OTP: variants seen among roughly 807,000 people sequenced by gnomAD.
OTP encodes orthopedia homeobox.
OTP carries 5 observed loss-of-function variants against 22.3 expected under a neutral mutation model. The ratio of observed to expected loss-of-function variants is 0.22; its 90% confidence interval spans 0.12 to 0.47. The LOEUF (loss-of-function observed/expected upper bound fraction) is 0.47. Among genes scored for constraint, OTP ranks in the 20% least tolerant of loss-of-function variants. OTP has a pLI of 0.99. For missense variants in OTP, 428 were observed against 456.2 expected, an observed-to-expected ratio of 0.94 and a Z score of 0.56; for synonymous variants, 229 against 210.6, an observed-to-expected ratio of 1.09 and a Z score of -0.76.
chr5:77,638,274 G>C (rs1745041203), intron 1 of OTP, among the ~76,000 whole-genome samples: 1 of 148,684 alleles, frequency 6.7e-6, no homozygotes, highest in South Asian at 2.1e-4. Flanking sequence ...GCGGGGGAGG[G>C]GGGAAGAGAA....
chr5:77,630,355 G>T lies in OTP; in HGVS notation c.887C>A (p.Ser296Tyr). 1.3e-6 allele frequency: 2 copies of T among 1,574,350 alleles called. No homozygotes were observed. The highest frequency in any genetic ancestry group is 1.2e-5 in the South Asian group (1 of 86,428). Residue 296 changes from serine to tyrosine, a missense_variant, in exon 3 of 3, where the codon TCC (serine) becomes TAC (tyrosine). Ser to Tyr is a moderately radical substitution (Grantham distance 144, BLOSUM62 -2). Around this residue, in one of 3 missense-constraint regions of OTP, gnomAD observed 236 missense variants for 238.1 expected, o/e 0.99. Coordinates refer to ENST00000306422, the MANE Select transcript of OTP (RefSeq NM_032109.3). ...NVSGSPQLCS[S>Y]PDSSDVWRGT... ...CCGCCACACGTCGCTGCTGTCCGGGGAGCTGCAGAGCTGGGGCGAACCGGA... is the reference window on the plus strand; with the variant it reads ...CCGCCACACGTCGCTGCTGTCCGGGTAGCTGCAGAGCTGGGGCGAACCGGA...
In OTP at chr5:77,630,385, T is replaced by C. The variant is rs752468558; in HGVS notation, c.857A>G (p.Asn286Ser). The C allele has an allele frequency of 6.3e-6, 10 of 1,579,486 alleles. No homozygotes were observed. In the African/African-American group the frequency reaches 9.4e-5, roughly 15 times the overall value. ...MVPASLPGPSNVSGSPQLCSS... is the reference protein window; with the variant it reads ...MVPASLPGPSSVSGSPQLCSS... The stretch of plus-strand genomic sequence containing the variant: ...GCAGAGCTGGGGCGAACCGGAGACG[T>C]TGCTGGGGCCGGGGAGGGAGGCGGG... Residue 286 changes from asparagine (N) to serine (S), a missense_variant, in exon 3 of 3, where the codon AAC becomes AGC. Asn to Ser is a conservative substitution (Grantham distance 46). Around this residue, in one of 3 missense-constraint regions of OTP, gnomAD observed 236 missense variants for 238.1 expected, o/e 0.99. Transcript: ENST00000306422.
At chr5:77,636,373 T>G in intron 2 of OTP, 2 of 157,128 alleles carry the variant, frequency 1.3e-5, no homozygotes. Flanking sequence ...TCATTCGCCT[T>G]ATTTGCTCTT....
intron 1 of OTP, among the ~76,000 whole-genome samples, chr5:77,637,752 C>T (rs1020338304): frequency 6.6e-6 from 1 of 152,148 alleles, no homozygotes; most frequent in Non-Finnish European, 1.5e-5. Flanking sequence ...CAAATCAGCT[C>T]CGCCTCCCCC....
In OTP at chr5:77,630,693, C is replaced by T; in HGVS notation, c.549G>A (p.Gln183=). ...CAGCGGCGGCGGCAGCCGACGGGAA[C>T]TGAGGCAGGCCTGGCGTGGGCAGCA... ...GTLLPTPGLP[Q]FPSAAAAAAA... is the part of the protein sequence containing the mutation. Residue 183 remains glutamine (Q), a synonymous_variant, in exon 3 of 3, where the codon CAG becomes CAA. Transcript: ENST00000306422. 1 of 1,582,838 alleles carries T rather than the reference C, an allele frequency of 6.3e-7. No individual in the cohort carries two copies. Among genetic ancestry groups the T allele is most frequent in the Non-Finnish European group, 8.5e-7 (1 of 1,172,574 alleles).
At chr5:77,630,905 G>A (rs2112366711) in intron 2 of OTP, 111 bp from the exon 3 acceptor site, 6 of 1,212,816 alleles carry the variant, frequency 4.9e-6, no homozygotes, top group African/African-American at 4.8e-5. Flanking sequence ...CTCTGCCCTG[G>A]GAGGAACAAG....
chr5:77,631,548 A>ATTT (rs1744931286), intron 2 of OTP, among the ~76,000 whole-genome samples: 1 of 96,504 alleles, frequency 1.0e-5, no homozygotes, highest in African/African-American at 3.8e-5. Context: ...CTTCAACCCT[A>ATTT]TTCTTTTTTT....
chr5:77,631,428 C>G (rs1040975729), intron 2 of OTP, among the ~76,000 whole-genome samples: 3 of 152,122 alleles, frequency 2.0e-5, no homozygotes, highest in Admixed American at 6.5e-5. Flanking sequence ...CCGATTCCTC[C>G]CATATTGCTT....
At chr5:77,631,582 G>C (rs1382444650) in intron 2 of OTP, among the ~76,000 whole-genome samples, 1 of 119,616 alleles carries the variant, frequency 8.4e-6, no homozygotes, top group Admixed American at 1.0e-4. Context: ...TTTTTGAGAC[G>C]GAGTCTTGCT....
chr5:77,635,658 T>C (rs1050611090), intron 2 of OTP, among the ~76,000 whole-genome samples: 5 of 152,366 alleles, frequency 3.3e-5, no homozygotes, highest in South Asian at 4.1e-4. Context: ...CATTGCTTAC[T>C]TCTTAGATCA....
At chr5:77,634,629 T>A (rs1428197311) in intron 2 of OTP, among the ~76,000 whole-genome samples, 1 of 152,190 alleles carries the variant, frequency 6.6e-6, no homozygotes, top group Non-Finnish European at 1.5e-5. Context: ...CATAAGCCAA[T>A]TACTATTTAA....
intron 2 of OTP, 151 bp downstream of exon 2, chr5:77,636,670 G>T (rs558821007): frequency 1.7e-5 from 12 of 708,770 alleles, no homozygotes; most frequent in Non-Finnish European, 6.8e-6. Flanking sequence ...ACCAGTTTCC[G>T]GGTAGAGAAG....
At chr5:77,638,368 G>A in intron 1 of OTP, 145 bp downstream of exon 1, 1 of 780,714 alleles carries the variant, frequency 1.3e-6, no homozygotes, top group South Asian at 1.6e-5. Context: ...TAAAGGCGAT[G>A]TTAAATCAAA....
In OTP at chr5:77,630,166, G is replaced by A. The variant is rs1580061610; in HGVS notation, c.*98C>T. The A allele has an allele frequency of 4.4e-6, 3 of 689,590 alleles. No individual in the cohort carries two copies. The highest frequency in any genetic ancestry group is 1.3e-4 in the South Asian group (2 of 15,356). 42.7% of individuals were successfully genotyped at this position (689,590 alleles called of 1,614,324 possible). A position where few individuals can be genotyped will look rare whatever the true frequency, so the allele number is the denominator to read the frequency against. ...CGAGACGGGGCGAAGGCCGGGGCGG[G>A]ACGGGGCAGGGCGCCGGGGTCCGGG... is the stretch of plus-strand genomic sequence containing the variant. On this transcript the variant is annotated 3_prime_UTR_variant, in exon 3 of 3. Coordinates refer to ENST00000306422, the MANE Select transcript of OTP (RefSeq NM_032109.3).
chr5:77,637,950 G>T (rs1390206195), intron 1 of OTP, among the ~76,000 whole-genome samples: 2 of 152,166 alleles, frequency 1.3e-5, no homozygotes, highest in African/African-American at 4.8e-5. Flanking sequence ...ATTCCTCACA[G>T]CCATTGGCAA....
rs1409405967 is a variant in OTP at position 77,630,805 on chromosome 5, C to T, written c.448-11G>A. The T allele has an allele frequency of 4.1e-6, 6 of 1,472,824 alleles. No homozygotes were observed. The highest frequency in any genetic ancestry group is 2.2e-5 in the Admixed American group (1 of 45,654). 91.2% of individuals were successfully genotyped at this position (1,472,824 alleles called of 1,614,324 possible). ...GTTCTGGAACCAGACCTGGAGCGGG[C>T]GGGGCGGGAGACAGACAGGGAGCTA... is the stretch of plus-strand genomic sequence containing the variant. On this transcript the variant is annotated splice_polypyrimidine_tract_variant and intron_variant, in intron 2 of 2. Transcript: ENST00000306422.
chr5:77,631,247 C>T (rs932085573), intron 2 of OTP, among the ~76,000 whole-genome samples: 1 of 152,212 alleles, frequency 6.6e-6, no homozygotes, highest in Non-Finnish European at 1.5e-5. Context: ...TTCAGAAACG[C>T]TGGAAATTTG....
Position 77,638,552 on chromosome 5 carries a change from C to G in OTP, c.-3G>C. 2 of 1,567,868 alleles carry G rather than the reference C, an allele frequency of 1.3e-6. No homozygotes were observed. The highest frequency in any genetic ancestry group is 1.7e-6 in the Non-Finnish European group (2 of 1,161,022). The stretch of plus-strand genomic sequence containing the variant: ...AGGAGGTCGGCATGAGACAGCATCG[C>G]GCACCGCTCCAGGGCGAAAGCTGTT... On this transcript the variant is annotated 5_prime_UTR_variant, in exon 1 of 3. Transcript: ENST00000306422.
At position 77,630,207 on chromosome 5, in the gene OTP, C is replaced by G. The variant is rs1444862663; in HGVS notation, c.*57G>C. ...GGGGTCCGGGTGCGCGCCGGAAGGG[C>G]CTCGGGGCGGCCCCCGGGGCGGTGC... is the stretch of plus-strand genomic sequence containing the variant. On this transcript the variant is annotated 3_prime_UTR_variant, in exon 3 of 3. Coordinates refer to ENST00000306422, the MANE Select transcript of OTP (RefSeq NM_032109.3). 1 of 1,266,236 alleles carries G rather than the reference C, an allele frequency of 7.9e-7. No individual in the cohort carries two copies. The highest frequency in any genetic ancestry group is 1.6e-5 in the African/African-American group (1 of 63,280). The allele number at this position is 1,266,236 out of a possible 1,614,324, so 78.4% of individuals were successfully genotyped here. A position where few individuals can be genotyped will look rare whatever the true frequency, so the allele number is the denominator to read the frequency against.
Sources: allele counts gnomAD v4.1 joint callset (sites outside exome capture counted in the v4.1 genomes callset), GRCh38; gene constraint gnomAD v4.1.1; regional missense constraint gnomAD v4.1.1; transcripts MANE v1.5; gene names NCBI Gene and HGNC (gene_info 2026-07-23, HGNC 2026-07-21).